Variants in SPOCK1 observed in about 807,000 individuals in gnomAD.
SPOCK1 encodes testican-1.
In SPOCK1, 23 loss-of-function variants were observed where a neutral mutation model predicts 55.3. That is an observed-to-expected ratio of 0.42 (90% CI 0.30 to 0.59). The LOEUF (loss-of-function observed/expected upper bound fraction) is 0.59. SPOCK1 is among the 20% of genes least tolerant of loss of function. The pLI, the probability that SPOCK1 is intolerant of heterozygous loss-of-function variation, is 0.22. For synonymous variants in SPOCK1, 226 were observed against 221.0 expected, an observed-to-expected ratio of 1.02 and a Z score of -0.20; for missense variants, 499 against 552.5, an observed-to-expected ratio of 0.90 and a Z score of 0.97.
intron 4 of SPOCK1, among the ~76,000 whole-genome samples, chr5:137,138,719 A>AAAGTGGT: frequency 6.9e-6 from 1 of 145,764 alleles, no homozygotes; most frequent in Admixed American, 6.8e-5. Flanking sequence ...CCCCCAAAAA[A>AAAGTGGT]AAGTGGTATT....
At chr5:137,325,795 G>A (rs1204613563) in intron 2 of SPOCK1, among the ~76,000 whole-genome samples, 1 of 152,256 alleles carries the variant, frequency 6.6e-6, no homozygotes, top group Non-Finnish European at 1.5e-5. Flanking sequence ...GTGATGGGCA[G>A]TGGTAGTTTA....
chr5:137,341,444 G>A (rs573912403), intron 2 of SPOCK1, among the ~76,000 whole-genome samples: 89 of 152,330 alleles, frequency 5.8e-4, no homozygotes, highest in African/African-American at 2.0e-3. Flanking sequence ...TAGGCCTCAC[G>A]GATGCAGTCA....
At chr5:137,128,205 C>T (rs1753812329) in intron 4 of SPOCK1, among the ~76,000 whole-genome samples, 1 of 152,194 alleles carries the variant, frequency 6.6e-6, no homozygotes, top group Non-Finnish European at 1.5e-5. Flanking sequence ...AGTAGGTCCT[C>T]ACCAGACACA....
chr5:137,378,446 A>G (rs1422078071), intron 2 of SPOCK1, among the ~76,000 whole-genome samples: 1 of 152,224 alleles, frequency 6.6e-6, no homozygotes. Context: ...GCCAGTTGAT[A>G]TTGAAAAACC....
chr5:137,336,316 C>T (rs1750278791), intron 2 of SPOCK1, among the ~76,000 whole-genome samples: 1 of 152,172 alleles, frequency 6.6e-6, no homozygotes, highest in African/African-American at 2.4e-5. Context: ...GGCCCTGCAG[C>T]CTGGTTTGCA....
intron 4 of SPOCK1, among the ~76,000 whole-genome samples, chr5:137,132,114 G>A (rs1240942210): frequency 3.6e-5 from 5 of 137,878 alleles, no homozygotes; most frequent in African/African-American, 1.4e-4. Context: ...GGTGGAGCTC[G>A]CAGTGAGCAG....
At chr5:137,392,922 C>G (rs1326931108) in intron 2 of SPOCK1, among the ~76,000 whole-genome samples, 2 of 152,066 alleles carry the variant, frequency 1.3e-5, no homozygotes, top group Non-Finnish European at 2.9e-5. Flanking sequence ...TTGTATCATC[C>G]AGCATTACTG....
intron 5 of SPOCK1, among the ~76,000 whole-genome samples, chr5:137,072,980 C>T (rs1012566253): frequency 6.6e-6 from 1 of 152,188 alleles, no homozygotes; most frequent in Non-Finnish European, 1.5e-5. Context: ...CAGTCAGATG[C>T]CAACATGCTG....
At chr5:137,357,965 T>G (rs1280676557) in intron 2 of SPOCK1, among the ~76,000 whole-genome samples, 2 of 152,038 alleles carry the variant, frequency 1.3e-5, no homozygotes, top group Admixed American at 6.6e-5. Flanking sequence ...CAGGCTCACT[T>G]CACCCTGAGA....
intron 5 of SPOCK1, among the ~76,000 whole-genome samples, chr5:137,074,339 A>G (rs1240179533): frequency 6.6e-6 from 1 of 152,208 alleles, no homozygotes; most frequent in African/African-American, 2.4e-5. Flanking sequence ...GAATGTTCTT[A>G]CAGGCATAAT....
At chr5:137,476,677 C>T (rs932214214) in intron 2 of SPOCK1, among the ~76,000 whole-genome samples, 1 of 152,148 alleles carries the variant, frequency 6.6e-6, no homozygotes, top group African/African-American at 2.4e-5. Flanking sequence ...GTAATGCCAG[C>T]GCTTTGGCAG....
intron 5 of SPOCK1, among the ~76,000 whole-genome samples, chr5:137,074,707 T>C (rs1031188124): frequency 5.3e-5 from 8 of 150,772 alleles, no homozygotes; most frequent in Non-Finnish European, 1.0e-4. Context: ...TTGTTGTTGT[T>C]GTTGTTGTTG....
chr5:136,992,510 G>A lies in SPOCK1; in HGVS notation c.680C>T (p.Pro227Leu), dbSNP rs1370482229. 1.2e-6 allele frequency: 2 copies of A among 1,613,276 alleles called. No individual in the cohort carries two copies. The highest frequency in any genetic ancestry group is 1.3e-5 in the African/African-American group (1 of 74,834). ...LHEDANRVIK[P>L]TSSNTAQGRF... ...GCCTTGGGCTGTGTTGGAGCTGGTG[G>A]GCTTGATGACTCTGTTCGCATCCTC... is the stretch of plus-strand genomic sequence containing the variant. The change falls in exon 7 of 11, where the codon CCC (proline) becomes CTC (leucine). Residue 227 changes from proline to leucine, a missense_variant. Physicochemically the swap from Pro to Leu is moderately conservative, Grantham distance 98. Transcript: ENST00000394945.
chr5:137,346,953 C>A (rs74391341), intron 2 of SPOCK1, among the ~76,000 whole-genome samples: 3,299 of 152,242 alleles, frequency 0.022, 64 homozygotes, highest in Non-Finnish European at 0.033. Flanking sequence ...AGGATACCAG[C>A]CAACGGCACC....
intron 3 of SPOCK1, among the ~76,000 whole-genome samples, chr5:137,173,495 C>T (rs2127059811): frequency 6.6e-6 from 1 of 152,168 alleles, no homozygotes; most frequent in Admixed American, 6.5e-5. Flanking sequence ...ATTGCTATTC[C>T]ATTTCATCAC....
At chr5:137,004,190 G>T (rs533209465) in intron 6 of SPOCK1, among the ~76,000 whole-genome samples, 3 of 152,274 alleles carry the variant, frequency 2.0e-5, no homozygotes, top group East Asian at 1.9e-4. Context: ...TGGAATTGAG[G>T]CCAGAACAGA....
intron 2 of SPOCK1, among the ~76,000 whole-genome samples, chr5:137,279,954 T>C (rs982935081): frequency 6.6e-6 from 1 of 152,224 alleles, no homozygotes; most frequent in Non-Finnish European, 1.5e-5. Flanking sequence ...GTACCTTTCC[T>C]TTGTTAAATA....
At chr5:137,259,618 C>T (rs1166792171) in intron 3 of SPOCK1, among the ~76,000 whole-genome samples, 2 of 150,442 alleles carry the variant, frequency 1.3e-5, no homozygotes, top group Non-Finnish European at 2.9e-5. Context: ...TGCACATGTG[C>T]CCCAGAACTT....
intron 6 of SPOCK1, among the ~76,000 whole-genome samples, chr5:137,056,775 C>T (rs926009926): frequency 6.6e-6 from 1 of 151,996 alleles, no homozygotes; most frequent in African/African-American, 2.4e-5. Context: ...TTGGACCAAA[C>T]ATAGTAAGGC....
Sources: allele counts gnomAD v4.1 joint callset (sites outside exome capture counted in the v4.1 genomes callset), GRCh38; gene constraint gnomAD v4.1.1; transcripts MANE v1.5; gene names NCBI Gene and HGNC (gene_info 2026-07-23, HGNC 2026-07-21).